The following POLN variants were observed in gnomAD, a reference collection of about 807,000 sequenced individuals.
POLN encodes DNA polymerase N.
In POLN, 108 loss-of-function variants were observed where a neutral mutation model predicts 113.5. That is an observed-to-expected ratio of 0.95 (90% CI 0.81 to 1.12). The LOEUF (loss-of-function observed/expected upper bound fraction) is 1.12. POLN is among the 50% of genes most tolerant of loss of function. The pLI, the probability that POLN is intolerant of heterozygous loss-of-function variation, is 0.00. For synonymous variants in POLN, 386 were observed against 391.5 expected (o/e 0.99, Z 0.17); for missense variants, 1,097 against 1,077.1 (o/e 1.02, Z -0.26).
At chr4:2,094,372 A>AAAAAAAAAAAAAAAAAAG (rs1553893365) in intron 20 of POLN, among the ~76,000 whole-genome samples, 9 of 149,778 alleles carry the variant, frequency 6.0e-5, no homozygotes, top group East Asian at 3.9e-4. Context: ...CCAAAAAAAA[A>AAAAAAAAAAAAAAAAAAG]AAAGAAAGAA....
chr4:2,079,771 G>A (rs1730360115), intron 23 of POLN: 5 of 801,812 alleles, frequency 6.2e-6, no homozygotes, highest in Non-Finnish European at 7.5e-6. Flanking sequence ...TTTTAGTAGT[G>A]ACGATGTTTT....
chr4:2,180,656 A>G (rs1173467104), intron 7 of POLN, among the ~76,000 whole-genome samples: 2 of 152,220 alleles, frequency 1.3e-5, no homozygotes, highest in African/African-American at 4.8e-5. Context: ...CTGACCCAAT[A>G]GGACTGTTTC....
intron 19 of POLN, among the ~76,000 whole-genome samples, chr4:2,125,582 T>G (rs149749984): frequency 0.023 from 3,538 of 151,576 alleles, 56 homozygotes; most frequent in Middle Eastern, 0.058. Flanking sequence ...GCACCTGGGG[T>G]GGGGTAAGAG....
intron 13 of POLN, among the ~76,000 whole-genome samples, chr4:2,162,422 A>G (rs1008492677): frequency 6.6e-6 from 1 of 152,094 alleles, no homozygotes; most frequent in Admixed American, 6.5e-5. Context: ...CAAACTCCAG[A>G]CGCGCCACCT....
chr4:2,103,200 AAATT>A (rs1186501325), intron 19 of POLN, among the ~76,000 whole-genome samples: 1 of 152,188 alleles, frequency 6.6e-6, no homozygotes, highest in Non-Finnish European at 1.5e-5. Context: ...GGATGAATTA[AAATT>A]AATTCACAAA....
intron 20 of POLN, chr4:2,090,446 G>A: frequency 3.4e-6 from 2 of 586,978 alleles, no homozygotes; most frequent in Non-Finnish European, 6.2e-6. Context: ...AGATCTTCAT[G>A]ATCGTATTCT....
intron 19 of POLN, among the ~76,000 whole-genome samples, chr4:2,108,349 G>A (rs1264412931): frequency 1.3e-5 from 2 of 152,086 alleles, no homozygotes; most frequent in Non-Finnish European, 2.9e-5. Context: ...TAATCCATAA[G>A]ATAGGGACAA....
In POLN at chr4:2,078,534, G is replaced by T. The variant is rs145052973; in HGVS notation, c.2387+2424C>A. The T allele has an allele frequency of 1.9e-5, 18 of 938,438 alleles. 1 individual carries two copies. The South Asian group carries it at 6.9e-4, about 36-fold the overall frequency. The allele number at this position is 938,438 out of a possible 1,614,324, so 58.1% of individuals were successfully genotyped here. On this transcript the variant is annotated intron_variant, in intron 23 of 25. Coordinates refer to ENST00000511885, the MANE Select transcript of POLN (RefSeq NM_181808.4). ...CGCCCAGGCTGGAGTGAAGTGGTGC[G>T]ATCTCAGCTCACTCTAGGGGCACCG... is the stretch of plus-strand genomic sequence containing the variant.
intron 13 of POLN, among the ~76,000 whole-genome samples, chr4:2,160,840 C>T (rs1162858941): frequency 1.3e-5 from 2 of 152,174 alleles, no homozygotes; most frequent in African/African-American, 4.8e-5. Context: ...ACCTCAAGGC[C>T]TTAAAGATGT....
At chr4:2,209,740 C>A (rs777933433) in intron 4 of POLN, among the ~76,000 whole-genome samples, 1 of 141,334 alleles carries the variant, frequency 7.1e-6, no homozygotes, top group Admixed American at 7.5e-5. Flanking sequence ...CAGCTCACTG[C>A]AACTTCCATG....
At chr4:2,130,424 T>C (rs1031785045) in intron 17 of POLN, among the ~76,000 whole-genome samples, 1 of 152,060 alleles carries the variant, frequency 6.6e-6, no homozygotes, top group Admixed American at 6.6e-5. Flanking sequence ...CTGCCAAGGG[T>C]AGGACGTGTA....
At chr4:2,147,638 C>CTTTT (rs1553897834) in intron 16 of POLN, among the ~76,000 whole-genome samples, 1 of 21,124 alleles carries the variant, frequency 4.7e-5, no homozygotes, top group Admixed American at 5.6e-4. Flanking sequence ...TCCAGTTTTT[C>CTTTT]TTTTCTTTTT....
chr4:2,120,128 T>C (rs1731405577), intron 19 of POLN, among the ~76,000 whole-genome samples: 1 of 152,222 alleles, frequency 6.6e-6, no homozygotes, highest in African/African-American at 2.4e-5. Flanking sequence ...CCTATCCTTC[T>C]GTCAGCACCA....
intron 15 of POLN, 132 bp downstream of exon 15, chr4:2,157,722 CAAAA>C (rs71644319): frequency 9.3e-3 from 1,249 of 134,288 alleles, no homozygotes; most frequent in South Asian, 0.024. Flanking sequence ...GACTCTGTCT[CAAAA>C]AAAAAAAAAA....
intron 3 of POLN, among the ~76,000 whole-genome samples, chr4:2,225,777 A>T (rs1327993532): frequency 6.6e-6 from 1 of 152,056 alleles, no homozygotes; most frequent in East Asian, 1.9e-4. Context: ...GAGGCAGGAG[A>T]ATCGTGTGAG....
intron 3 of POLN, among the ~76,000 whole-genome samples, chr4:2,219,978 C>A (rs544592832): frequency 6.6e-6 from 1 of 152,252 alleles, no homozygotes; most frequent in South Asian, 2.1e-4. Context: ...CCCTCAGACC[C>A]AGCCCACCAT....
chr4:2,085,834 A>G, intron 20 of POLN, 90 bp from the exon 21 acceptor site: 2 of 1,555,676 alleles, frequency 1.3e-6, no homozygotes, highest in Non-Finnish European at 1.7e-6. Context: ...AGCTGGCAGC[A>G]CTGGTCTTTT....
chr4:2,170,887 T>C, intron 12 of POLN, 113 bp from the exon 13 acceptor site: 1 of 997,960 alleles, frequency 1.0e-6, no homozygotes, highest in South Asian at 1.5e-5. Flanking sequence ...AAACAGACAT[T>C]ACAACATGCT....
rs760476074 is a variant in POLN, at chr4:2,240,506, C to A, written c.-13+1014G>T. ...TTAGAATTCCTTGACTCTGCTTCAG[C>A]TTTTTAGTGGCTTCTTCTTCTTTAG... On this transcript the variant is annotated intron_variant, in intron 2 of 25. Coordinates refer to ENST00000511885, the MANE Select transcript of POLN (RefSeq NM_181808.4). 4.3e-6 allele frequency: 7 copies of A among 1,613,768 alleles called. No individual in the cohort carries two copies. The African/African-American group carries it at 6.7e-5, about 15-fold the overall frequency.
Sources: gnomAD v4.1 joint callset for allele counts (sites outside exome capture counted in the v4.1 genomes callset) on GRCh38, gnomAD v4.1.1 for gene constraint, MANE v1.5 for transcripts, NCBI Gene and HGNC (gene_info 2026-07-23, HGNC 2026-07-21) for gene names.